Variants in PTPRK observed in about 807,000 individuals in gnomAD.
PTPRK encodes the protein protein tyrosine phosphatase receptor type K, also known as receptor-type tyrosine-protein phosphatase kappa.
Under a neutral mutation model 178.0 loss-of-function variants are expected in PTPRK, and 75 were observed. The ratio of observed to expected loss-of-function variants is 0.42; its 90% confidence interval spans 0.35 to 0.51. The LOEUF is 0.51. PTPRK is among the 20% of genes least tolerant of loss of function. PTPRK has a pLI of 0.02. For synonymous variants in PTPRK, 637 were observed against 620.6 expected (o/e 1.03, Z -0.39); for missense variants, 1,441 against 1,797.8 (o/e 0.80, Z 3.59).
At chr6:128,259,978 C>G (rs1817931875) in intron 3 of PTPRK, among the ~76,000 whole-genome samples, 1 of 151,924 alleles carries the variant, frequency 6.6e-6, no homozygotes, top group Admixed American at 6.6e-5. Context: ...CTATATAGAC[C>G]CAATTAACAG....
At chr6:128,155,445 T>TA (rs1363343728) in intron 7 of PTPRK, among the ~76,000 whole-genome samples, 3 of 151,734 alleles carry the variant, frequency 2.0e-5, no homozygotes, top group Non-Finnish European at 4.4e-5. Flanking sequence ...TATCTTGAGT[T>TA]ACGGTTAATT....
At chr6:128,093,406 C>A (rs1458427964) in intron 7 of PTPRK, among the ~76,000 whole-genome samples, 4 of 151,542 alleles carry the variant, frequency 2.6e-5, no homozygotes, top group Non-Finnish European at 5.9e-5. Flanking sequence ...CCAGCATGAG[C>A]AACATGGTGA....
intron 3 of PTPRK, among the ~76,000 whole-genome samples, chr6:128,314,336 A>C (rs1373050766): frequency 1.3e-5 from 2 of 152,190 alleles, no homozygotes; most frequent in African/African-American, 4.8e-5. Context: ...CTTATTCAGC[A>C]CTGTCCAACC....
chr6:128,514,978 C>T (rs763421421), intron 1 of PTPRK, among the ~76,000 whole-genome samples: 3 of 152,194 alleles, frequency 2.0e-5, no homozygotes, highest in Non-Finnish European at 4.4e-5. Flanking sequence ...ACTTTAAAAA[C>T]CTTTTATGTG....
intron 1 of PTPRK, among the ~76,000 whole-genome samples, chr6:128,404,687 T>C (rs1841446318): frequency 6.6e-6 from 1 of 152,178 alleles, no homozygotes; most frequent in African/African-American, 2.4e-5. Context: ...ACCTCATTAT[T>C]GGAGCTAATG....
intron 7 of PTPRK, among the ~76,000 whole-genome samples, chr6:128,133,631 T>C (rs920710657): frequency 6.6e-6 from 1 of 152,132 alleles, no homozygotes; most frequent in African/African-American, 2.4e-5. Flanking sequence ...GGATTTTTTG[T>C]GTGGTAGAAA....
intron 2 of PTPRK, among the ~76,000 whole-genome samples, chr6:128,342,390 T>C (rs768473886): frequency 2.0e-5 from 3 of 152,078 alleles, no homozygotes; most frequent in Non-Finnish European, 4.4e-5. Flanking sequence ...AAGACCAAGG[T>C]TTCTATAAGT....
chr6:128,118,562 C>T (rs549062881), intron 7 of PTPRK, among the ~76,000 whole-genome samples: 1 of 152,172 alleles, frequency 6.6e-6, no homozygotes, highest in Non-Finnish European at 1.5e-5. Flanking sequence ...ATAATGACCT[C>T]TGAATTTTTT....
At chr6:128,131,679 G>C (rs1359222436) in intron 7 of PTPRK, among the ~76,000 whole-genome samples, 1 of 152,136 alleles carries the variant, frequency 6.6e-6, no homozygotes, top group African/African-American at 2.4e-5. Context: ...TTGTATCATT[G>C]TGCTTGTTTT....
At chr6:128,110,432 A>T (rs1038990868) in intron 7 of PTPRK, among the ~76,000 whole-genome samples, 20 of 152,114 alleles carry the variant, frequency 1.3e-4, no homozygotes, top group African/African-American at 4.3e-4. Context: ...TTAACAGCTG[A>T]ACAAGCCATT....
chr6:127,977,595 G>A (rs147386226), intron 25 of PTPRK, among the ~76,000 whole-genome samples: 149 of 152,242 alleles, frequency 9.8e-4, no homozygotes, highest in African/African-American at 3.4e-3. Flanking sequence ...ACATTATGTG[G>A]ACACTACCAG....
At chr6:128,431,826 A>C (rs1267349218) in intron 1 of PTPRK, among the ~76,000 whole-genome samples, 1 of 152,242 alleles carries the variant, frequency 6.6e-6, no homozygotes, top group African/African-American at 2.4e-5. Flanking sequence ...CCAAGAGAGA[A>C]TCCAAATGAA....
intron 1 of PTPRK, among the ~76,000 whole-genome samples, chr6:128,403,168 A>G (rs554732675): frequency 2.6e-4 from 40 of 152,344 alleles, no homozygotes; most frequent in Non-Finnish European, 4.9e-4. Flanking sequence ...CATATAATCC[A>G]AGATTATTTA....
chr6:128,466,242 A>G (rs1373974033), intron 1 of PTPRK, among the ~76,000 whole-genome samples: 1 of 152,208 alleles, frequency 6.6e-6, no homozygotes, highest in Non-Finnish European at 1.5e-5. Flanking sequence ...TGTCAATGCC[A>G]CAATTACAGA....
At chr6:128,510,760 T>G (rs1857054296) in intron 1 of PTPRK, among the ~76,000 whole-genome samples, 1 of 152,064 alleles carries the variant, frequency 6.6e-6, no homozygotes, top group Non-Finnish European at 1.5e-5. Flanking sequence ...AATCACTAAG[T>G]CAGGTTTATA....
chr6:128,472,534 T>C (rs1000296476), intron 1 of PTPRK, among the ~76,000 whole-genome samples: 1 of 151,680 alleles, frequency 6.6e-6, no homozygotes, highest in Non-Finnish European at 1.5e-5. Context: ...CTCCTGAATA[T>C]CCCTTACCCA....
At chr6:128,003,176 G>C in intron 15 of PTPRK, 1 of 1,591,028 alleles carries the variant, frequency 6.3e-7, no homozygotes, top group Non-Finnish European at 8.6e-7. Context: ...ATGAAAAGAT[G>C]ATAAAGATTT....
At chr6:128,172,981 G>A (rs879905650) in intron 7 of PTPRK, among the ~76,000 whole-genome samples, 1 of 151,902 alleles carries the variant, frequency 6.6e-6, no homozygotes, top group Non-Finnish European at 1.5e-5. Context: ...TGAGCACCAG[G>A]AACCACTAGG....
chr6:128,153,491 G>A (rs1374641296), intron 7 of PTPRK, among the ~76,000 whole-genome samples: 1 of 151,896 alleles, frequency 6.6e-6, no homozygotes, highest in Non-Finnish European at 1.5e-5. Context: ...AAAAAAAAGT[G>A]TTTTCCAGAT....
Sources: gnomAD v4.1 joint callset for allele counts (sites outside exome capture counted in the v4.1 genomes callset) on GRCh38, gnomAD v4.1.1 for gene constraint, MANE v1.5 for transcripts, NCBI Gene and HGNC (gene_info 2026-07-23, HGNC 2026-07-21) for gene names.